Variants in IMPG2 observed in about 807,000 individuals in gnomAD.
IMPG2 encodes the protein IPM 200.
IMPG2 carries 91 observed loss-of-function variants against 129.2 expected under a neutral mutation model. The observed-to-expected ratio is 0.70, with a 90% confidence interval of 0.59 to 0.84. The LOEUF is 0.84. IMPG2 is among the 40% of genes least tolerant of loss of function. The pLI, the probability that IMPG2 is intolerant of heterozygous loss-of-function variation, is 0.00. For missense variants in IMPG2, 1,430 were observed against 1,461.7 expected, an observed-to-expected ratio of 0.98 and a Z score of 0.35; for synonymous variants, 510 against 517.7, an observed-to-expected ratio of 0.99 and a Z score of 0.20.
chr3:101,280,766 C>A (rs777349879), intron 4 of IMPG2, among the ~76,000 whole-genome samples: 1 of 151,720 alleles, frequency 6.6e-6, no homozygotes, highest in African/African-American at 2.4e-5. Context: ...GCCAACATGG[C>A]GAAACCCCAT....
intron 17 of IMPG2, 60 bp downstream of exon 17, chr3:101,229,320 G>A (rs1576741862): frequency 2.7e-5 from 14 of 520,290 alleles, no homozygotes; most frequent in South Asian, 1.1e-4. Context: ...ACCACCCCCT[G>A]CTCCCCCACA....
At chr3:101,285,416 C>T (rs979676776) in intron 4 of IMPG2, among the ~76,000 whole-genome samples, 1 of 152,170 alleles carries the variant, frequency 6.6e-6, no homozygotes, top group African/African-American at 2.4e-5. Flanking sequence ...GAATCCTATT[C>T]TTGATCATTT....
At position 101,253,708 on chromosome 3, in the gene IMPG2, C is replaced by A. The variant is rs371246481; in HGVS notation, c.1227G>T (p.Pro409=). 6.2e-7 allele frequency: 1 copy of A among 1,610,350 alleles called. No individual in the cohort carries two copies. The highest frequency in any genetic ancestry group is 8.5e-7 in the Non-Finnish European group (1 of 1,177,616). The part of the protein sequence containing the change: ...NTQSSSLQAT[P]SSILDNTFQA... ...CATAAAAACATACCAGAATAGATGA[C>A]GGCGTTGCCTGAAGACTTGAACTTT... Residue 409 remains proline (P), a synonymous_variant, in exon 11 of 19, where the codon CCG becomes CCT. Coordinates refer to ENST00000193391, the MANE Select transcript of IMPG2 (RefSeq NM_016247.4).
intron 3 of IMPG2, among the ~76,000 whole-genome samples, chr3:101,295,144 A>C (rs1421773276): frequency 6.6e-6 from 1 of 152,166 alleles, no homozygotes; most frequent in Non-Finnish European, 1.5e-5. Context: ...TTCGTCATGA[A>C]GTCTTTGCCC....
intron 5 of IMPG2, among the ~76,000 whole-genome samples, chr3:101,276,357 G>A (rs956643534): frequency 4.6e-5 from 7 of 152,232 alleles, no homozygotes; most frequent in African/African-American, 9.6e-5. Context: ...ATGGTTCTAC[G>A]TTTTGACATT....
chr3:101,300,458 T>G (rs901563220), intron 3 of IMPG2, among the ~76,000 whole-genome samples: 4 of 152,238 alleles, frequency 2.6e-5, no homozygotes, highest in Admixed American at 6.5e-5. Context: ...CTTAAGCAGA[T>G]TCTAGCTTAG....
chr3:101,231,799 C>T (rs1382215748), intron 15 of IMPG2, among the ~76,000 whole-genome samples: 1 of 152,188 alleles, frequency 6.6e-6, no homozygotes, highest in African/African-American at 2.4e-5. Flanking sequence ...TCCTCTTCAA[C>T]CACGCAGCTT....
intron 2 of IMPG2, among the ~76,000 whole-genome samples, chr3:101,310,421 T>C (rs1173639581): frequency 2.0e-5 from 3 of 151,852 alleles, no homozygotes; most frequent in African/African-American, 7.3e-5. Flanking sequence ...TAGCCGGGCA[T>C]GGTGGCACGT....
intron 14 of IMPG2, among the ~76,000 whole-genome samples, chr3:101,234,210 T>C (rs534571072): frequency 6.7e-6 from 1 of 150,080 alleles, no homozygotes; most frequent in Non-Finnish European, 1.5e-5. Flanking sequence ...ATGATTGGTG[T>C]CCTTATAAGA....
chr3:101,311,587 G>A (rs1329628790), intron 2 of IMPG2, among the ~76,000 whole-genome samples: 3 of 152,002 alleles, frequency 2.0e-5, no homozygotes, highest in Admixed American at 1.3e-4. Context: ...ATGGAAAAAC[G>A]TCCCATATTT....
Position 101,253,864 on chromosome 3 carries a change from C to A in IMPG2, c.1154-83G>T, listed in dbSNP as rs957379048. Reference sequence around the variant, plus strand: ...TGCAGGGACAACTGAAAGTCAAGTTCTTTCTCTTCATTGTTTAGATTTTGG... The same window carrying A: ...TGCAGGGACAACTGAAAGTCAAGTTATTTCTCTTCATTGTTTAGATTTTGG... On this transcript the variant is annotated intron_variant, in intron 10 of 18. Coordinates refer to ENST00000193391, the MANE Select transcript of IMPG2 (RefSeq NM_016247.4). The A allele has an allele frequency of 3.1e-4, 284 of 925,980 alleles. 1 individual carries two copies. The highest frequency in any genetic ancestry group is 7.7e-5 in the East Asian group (3 of 38,768). The allele number at this position is 925,980 out of a possible 1,614,324, so 57.4% of individuals were successfully genotyped here.
chr3:101,273,604 G>A lies in IMPG2; in HGVS notation c.805C>T (p.Leu269Phe). ...ACCTCTGAAATAAATTCTTCTTCAAGGTGCTGGTGGTGAAAGCTGGAGGAA... is the reference window on the plus strand; with the variant it reads ...ACCTCTGAAATAAATTCTTCTTCAAAGTGCTGGTGGTGAAAGCTGGAGGAA... The part of the protein sequence containing the change: ...QDSSSFHHQH[L>F]EEEFISEVEN... The change falls in exon 7 of 19, where the codon CTT (leucine) becomes TTT (phenylalanine). Residue 269 changes from leucine to phenylalanine, a missense_variant. Physicochemically the swap from Leu to Phe is conservative, Grantham distance 22. Coordinates refer to ENST00000193391, the MANE Select transcript of IMPG2 (RefSeq NM_016247.4). 6.2e-7 allele frequency: 1 copy of A among 1,613,928 alleles called. No homozygotes were observed. Among genetic ancestry groups the A allele is most frequent in the Non-Finnish European group, 8.5e-7 (1 of 1,179,976 alleles).
intron 4 of IMPG2, among the ~76,000 whole-genome samples, chr3:101,290,343 C>T (rs1201151023): frequency 2.0e-5 from 3 of 151,950 alleles, no homozygotes; most frequent in African/African-American, 7.3e-5. Flanking sequence ...CCTGTTTCTA[C>T]AGAAAAATAC....
At chr3:101,245,674 T>C (rs1706467951) in intron 12 of IMPG2, 128 bp downstream of exon 12, 1 of 880,346 alleles carries the variant, frequency 1.1e-6, no homozygotes, top group Non-Finnish European at 1.9e-6. Context: ...TCACACACAA[T>C]TTTACCAAGA....
At chr3:101,234,357 T>C (rs2107209499) in intron 14 of IMPG2, among the ~76,000 whole-genome samples, 2 of 151,780 alleles carry the variant, frequency 1.3e-5, no homozygotes, top group Middle Eastern at 3.4e-3. Flanking sequence ...CAGGAAAAGG[T>C]AAGGAAAGAG....
chr3:101,273,754 G>A lies in IMPG2; in HGVS notation c.667-12C>T. ...ATTTCATTGCTAATCTGAATTTTTA[G>A]AGAAAGAACAATAAATGTCAAGGCT... On this transcript the variant is annotated splice_polypyrimidine_tract_variant and intron_variant, in intron 6 of 18. Coordinates refer to ENST00000193391, the MANE Select transcript of IMPG2 (RefSeq NM_016247.4). The A allele has an allele frequency of 6.2e-7, 1 of 1,611,846 alleles. No individual in the cohort carries two copies. Among genetic ancestry groups the A allele is most frequent in the Non-Finnish European group, 8.5e-7 (1 of 1,178,120 alleles).
intron 9 of IMPG2, among the ~76,000 whole-genome samples, chr3:101,259,292 C>T (rs992703870): frequency 5.9e-5 from 9 of 152,166 alleles, no homozygotes; most frequent in African/African-American, 1.4e-4. Flanking sequence ...TCAAGACAGA[C>T]GTGCAGTAAA....
intron 3 of IMPG2, among the ~76,000 whole-genome samples, chr3:101,299,964 C>T (rs1239045127): frequency 1.3e-5 from 2 of 152,230 alleles, no homozygotes; most frequent in Admixed American, 6.5e-5. Flanking sequence ...GAAACCCACT[C>T]ATCTGGGTTG....
At chr3:101,229,305 CACCCACCACCCCCTGCT>C in intron 17 of IMPG2, 58 bp downstream of exon 17, 4 of 892,468 alleles carry the variant, frequency 4.5e-6, no homozygotes, top group South Asian at 1.3e-5. Context: ...TACACACCCC[CACCCACCACCCCCTGCT>C]CCCCCACACA....
Sources: gnomAD v4.1 joint callset for allele counts (sites outside exome capture counted in the v4.1 genomes callset) on GRCh38, gnomAD v4.1.1 for gene constraint, MANE v1.5 for transcripts, NCBI Gene and HGNC (gene_info 2026-07-23, HGNC 2026-07-21) for gene names.